The following TCEANC2 variants were observed in gnomAD, a reference collection of about 807,000 sequenced individuals.
TCEANC2 encodes the protein transcription elongation factor A N-terminal and central domain containing 2.
Under a neutral mutation model 22.8 loss-of-function variants are expected in TCEANC2, and 20 were observed. The ratio of observed to expected loss-of-function variants is 0.88; its 90% confidence interval spans 0.62 to 1.28. The LOEUF is 1.28. Among genes scored for constraint, TCEANC2 ranks in the 50% most tolerant of loss-of-function variants. TCEANC2 has a pLI of 0.00. For missense variants in TCEANC2, 251 were observed against 249.7 expected, an observed-to-expected ratio of 1.01 and a Z score of -0.03; for synonymous variants, 84 against 95.5, an observed-to-expected ratio of 0.88 and a Z score of 0.70.
downstream of TCEANC2, among the ~76,000 whole-genome samples, chr1:54,108,187 G>A (rs1658787315): frequency 6.6e-6 from 1 of 152,116 alleles, no homozygotes; most frequent in Non-Finnish European, 1.5e-5. Context: ...TTTTTCTCCA[G>A]CGGCTGAAGG....
rs1457754357 is a variant in TCEANC2, at chr1:54,068,846, G to A, written c.193G>A (p.Glu65Lys). 1.2e-6 allele frequency: 2 copies of A among 1,610,672 alleles called. No homozygotes were observed. Among genetic ancestry groups the A allele is most frequent in the East Asian group, 2.2e-5 (1 of 44,702 alleles). Residue 65 changes from glutamate (E) to lysine (K), a missense_variant, in exon 3 of 5, where the codon GAA becomes AAA. Glu to Lys is a moderately conservative substitution (Grantham distance 56). Transcript: ENST00000234827. ...AGAGAATCTTGTTGAAGCCTTACAA[G>A]AATTAAAGAAGAAAATACCCTCCAG... ...TKENLVEALQ[E>K]LKKKIPSREV... is the part of the protein sequence containing the mutation.
At chr1:54,060,170 G>A (rs1181017713) in intron 2 of TCEANC2, among the ~76,000 whole-genome samples, 1 of 152,178 alleles carries the variant, frequency 6.6e-6, no homozygotes, top group Non-Finnish European at 1.5e-5. Flanking sequence ...CACTTTGGGA[G>A]GCTGAGGCGG....
intron 3 of TCEANC2, among the ~76,000 whole-genome samples, chr1:54,080,245 G>A (rs1482013214): frequency 2.0e-5 from 3 of 151,850 alleles, no homozygotes; most frequent in Admixed American, 2.0e-4. Flanking sequence ...CTGGGTTCAG[G>A]CGATTCTCGT....
At chr1:54,074,368 C>A (rs1484986626) in intron 3 of TCEANC2, among the ~76,000 whole-genome samples, 1 of 152,044 alleles carries the variant, frequency 6.6e-6, no homozygotes, top group Non-Finnish European at 1.5e-5. Context: ...GAGGCTGAGG[C>A]AGGAGAATGG....
At chr1:54,075,911 G>A (rs1658134496) in intron 3 of TCEANC2, among the ~76,000 whole-genome samples, 1 of 151,838 alleles carries the variant, frequency 6.6e-6, no homozygotes, top group Non-Finnish European at 1.5e-5. Context: ...CTACTCGGGA[G>A]GCTGAGGCAG....
chr1:54,094,545 G>A (rs528348256), intron 4 of TCEANC2, among the ~76,000 whole-genome samples: 1 of 152,266 alleles, frequency 6.6e-6, no homozygotes, highest in Non-Finnish European at 1.5e-5. Context: ...GCTTTGCCAT[G>A]GCTGTGTTCT....
At position 54,101,361 on chromosome 1, in the gene TCEANC2, C is replaced by T. The variant is rs1658661134; in HGVS notation, c.*4888C>T. ...AAGGAAAGATGGTTTGATTGGATGA[C>T]ATTGTATTTTCTTTAAATCAATCAA... is the stretch of plus-strand genomic sequence containing the variant. On this transcript the variant is annotated 3_prime_UTR_variant, in exon 5 of 5. Coordinates refer to ENST00000234827, the MANE Select transcript of TCEANC2 (RefSeq NM_153035.3). 6.6e-6 allele frequency: 1 copy of T among 152,144 alleles called. No homozygotes were observed. Among genetic ancestry groups the T allele is most frequent in the Admixed American group, 6.5e-5 (1 of 15,268 alleles). The allele number at this position is 152,144 out of a possible 1,614,324, so 9.4% of individuals were successfully genotyped here. A position where few individuals can be genotyped will look rare whatever the true frequency, so the allele number is the denominator to read the frequency against.
chr1:54,088,159 C>T (rs1658374499), intron 3 of TCEANC2, among the ~76,000 whole-genome samples: 1 of 152,098 alleles, frequency 6.6e-6, no homozygotes, highest in Admixed American at 6.6e-5. Flanking sequence ...ATTATTTCAT[C>T]AGGGCTACAA....
chr1:54,088,170 A>G (rs1658374721), intron 3 of TCEANC2, among the ~76,000 whole-genome samples: 1 of 152,230 alleles, frequency 6.6e-6, no homozygotes, highest in Admixed American at 6.5e-5. Flanking sequence ...AGGGCTACAA[A>G]AAAATGTTCT....
chr1:54,060,709 G>A (rs1657835793), intron 2 of TCEANC2, among the ~76,000 whole-genome samples: 1 of 152,084 alleles, frequency 6.6e-6, no homozygotes, highest in South Asian at 2.1e-4. Flanking sequence ...GGAGGCTGAG[G>A]TGGGCAGATC....
intron 4 of TCEANC2, among the ~76,000 whole-genome samples, chr1:54,090,802 T>C (rs922490782): frequency 6.6e-6 from 1 of 152,288 alleles, no homozygotes; most frequent in South Asian, 2.1e-4. Context: ...ACATACAGTG[T>C]GGATATATAA....
At chr1:54,108,428 G>A (rs547327907), downstream of TCEANC2, among the ~76,000 whole-genome samples, 5 of 152,338 alleles carry the variant, frequency 3.3e-5, no homozygotes, top group African/African-American at 1.2e-4. Context: ...CCCTAATCCA[G>A]TATGACTGGT....
chr1:54,072,841 CTAA>C (rs1252132751), intron 3 of TCEANC2, among the ~76,000 whole-genome samples: 1 of 152,048 alleles, frequency 6.6e-6, no homozygotes, highest in Non-Finnish European at 1.5e-5. Context: ...TCTGACTATT[CTAA>C]TATTTATGGT....
chr1:54,062,950 T>C (rs1398075361), intron 2 of TCEANC2, among the ~76,000 whole-genome samples: 1 of 152,202 alleles, frequency 6.6e-6, no homozygotes, highest in African/African-American at 2.4e-5. Context: ...TTAACCTGAT[T>C]CCAGCCATGC....
At position 54,054,450 on chromosome 1, in the gene TCEANC2, A is replaced by T; in HGVS notation, c.28A>T (p.Arg10Ter). Residue 10 changes from arginine to a stop codon, truncating the protein, a stop_gained, in exon 2 of 5, where the codon AGA becomes TGA. Transcript: ENST00000234827. LOFTEE classifies it high-confidence loss of function. MDKFVIRTP[R>*]IQNSPQKKDS... is the part of the protein sequence containing the mutation. ...GGATAAATTCGTCATTCGAACGCCT[A>T]GAATCCAGAATAGCCCTCAGAAGAA... 6.2e-7 allele frequency: 1 copy of T among 1,614,176 alleles called. No individual in the cohort carries two copies.
chr1:54,110,658 G>A (rs1042565102), downstream of TCEANC2, among the ~76,000 whole-genome samples: 1 of 152,030 alleles, frequency 6.6e-6, no homozygotes, highest in Non-Finnish European at 1.5e-5. Context: ...CAATGTCTCC[G>A]ATCACCCTAA....
intron 3 of TCEANC2, among the ~76,000 whole-genome samples, chr1:54,073,206 A>G (rs1024587411): frequency 6.6e-6 from 1 of 152,128 alleles, no homozygotes; most frequent in African/African-American, 2.4e-5. Context: ...TACCCAAGTG[A>G]TCCTCCTGCC....
chr1:54,086,725 T>A (rs1452683322), intron 3 of TCEANC2, among the ~76,000 whole-genome samples: 3 of 152,034 alleles, frequency 2.0e-5, no homozygotes, highest in African/African-American at 7.3e-5. Flanking sequence ...ATGGTCAAAT[T>A]TATGCTTTAG....
intron 4 of TCEANC2, among the ~76,000 whole-genome samples, chr1:54,092,341 C>T (rs911331060): frequency 6.6e-6 from 1 of 152,168 alleles, no homozygotes; most frequent in African/African-American, 2.4e-5. Flanking sequence ...AGTATCAACA[C>T]ATAAAGTGCA....
Sources: gnomAD v4.1 joint callset for allele counts (sites outside exome capture counted in the v4.1 genomes callset) on GRCh38, gnomAD v4.1.1 for gene constraint, MANE v1.5 for transcripts, NCBI Gene and HGNC (gene_info 2026-07-23, HGNC 2026-07-21) for gene names.